The following ALPK3 variants were observed in gnomAD, a reference collection of about 807,000 sequenced individuals.
The protein encoded by ALPK3 is alpha kinase 3.
A neutral mutation model predicts 140.0 loss-of-function variants in ALPK3; 102 were observed. The ratio of observed to expected loss-of-function variants is 0.73; its 90% CI spans 0.62 to 0.86. The LOEUF (loss-of-function observed/expected upper bound fraction) is 0.86. Ranked by LOEUF, ALPK3 falls within the 40% of genes least tolerant of loss-of-function variation. The pLI, the probability that ALPK3 is intolerant of heterozygous loss-of-function variation, is 0.00. For synonymous variants in ALPK3, 938 were observed against 898.5 expected (o/e 1.04, Z -0.79); for missense variants, 2,254 against 2,208.2 (o/e 1.02, Z -0.42).
At chr15:84,825,140 C>A (rs1300498901) in intron 2 of ALPK3, among the ~76,000 whole-genome samples, 1 of 151,766 alleles carries the variant, frequency 6.6e-6, no homozygotes, top group Non-Finnish European at 1.5e-5. Flanking sequence ...CTTTTCCATT[C>A]AAAAAGAATG....
chr15:84,847,638 A>G, intron 5 of ALPK3, among the ~76,000 whole-genome samples: 1 of 152,128 alleles, frequency 6.6e-6, no homozygotes, highest in South Asian at 2.1e-4. Context: ...TTTTAATGCT[A>G]AAAAAAAGAA....
In ALPK3 at chr15:84,858,299, G is replaced by A. The variant is rs1963894410; in HGVS notation, c.3561G>A (p.Glu1187=). ...AGGCAACCACACCTGAAGAAAGGGA[G>A]AGCCCCACGGTTTCCCCCCGGGGGC... ...DGEATTPEER[E]SPTVSPRGPR... Residue 1187 remains glutamate, a synonymous_variant, in exon 6 of 14, where the codon GAG becomes GAA. Transcript: ENST00000258888. 3 of 1,575,692 alleles carry A rather than the reference G, an allele frequency of 1.9e-6. No homozygotes were observed. The highest frequency in any genetic ancestry group is 3.3e-4 in the Middle Eastern group (2 of 6,024).
At chr15:84,867,204 C>A in intron 12 of ALPK3, 113 bp from the exon 13 acceptor site, 4 of 972,662 alleles carry the variant, frequency 4.1e-6, no homozygotes, top group Non-Finnish European at 4.5e-6. Context: ...GCCCCCATGT[C>A]TCCAGCAGGA....
In ALPK3 at chr15:84,857,139, C is replaced by G; in HGVS notation, c.2401C>G (p.Pro801Ala). The G allele has an allele frequency of 6.2e-7, 1 of 1,614,054 alleles. No homozygotes were observed. The highest frequency in any genetic ancestry group is 8.5e-7 in the Non-Finnish European group (1 of 1,179,964). Residue 801 changes from proline to alanine, a missense_variant, in exon 6 of 14, where the codon CCA becomes GCA. Physicochemically the swap from Pro to Ala is conservative, Grantham distance 27 (BLOSUM62 -1). Transcript: ENST00000258888. ...TCCCCTGTCAGGGAACCTCATGCTC[C>G]CAGCACAGCCGCCCCATGAGGGGAG... ...LGPLSGNLML[P>A]AQPPHEGSVE... is the part of the protein sequence containing the mutation.
rs939773413 is a variant in ALPK3, at chr15:84,859,407, A to G, written c.3965+17A>G. On this transcript the variant is annotated intron_variant, in intron 7 of 13. Transcript: ENST00000258888. ...GGGCAGGAGGTAAGCCAACGACACC[A>G]CTGCCACCTGACCTGGCTCCCTGAT... The G allele has an allele frequency of 6.2e-7, 1 of 1,613,524 alleles. No homozygotes were observed.
At chr15:84,867,239 G>T in intron 12 of ALPK3, 78 bp from the exon 13 acceptor site, 1 of 1,431,028 alleles carries the variant, frequency 7.0e-7, no homozygotes, top group African/African-American at 1.4e-5. Context: ...AAGCCACCCA[G>T]TATATCTTCC....
intron 5 of ALPK3, among the ~76,000 whole-genome samples, chr15:84,847,199 G>C (rs1166026597): frequency 7.2e-6 from 1 of 138,758 alleles, no homozygotes; most frequent in East Asian, 2.1e-4. Context: ...GGAAGGGAGG[G>C]AGAAACGGGG....
Position 84,827,619 on chromosome 15 carries a change from C to G in ALPK3, c.304+14C>G. ...GCATCGTCACAGGTAAGGATGCTGT[C>G]TGTATGCTCCATGCCAGGGCCTCTG... is the stretch of plus-strand genomic sequence containing the variant. On this transcript the variant is annotated intron_variant, in intron 3 of 13. Transcript: ENST00000258888. 4.3e-6 allele frequency: 7 copies of G among 1,613,722 alleles called. No homozygotes were observed. The highest frequency in any genetic ancestry group is 5.9e-6 in the Non-Finnish European group (7 of 1,180,004).
At chr15:84,845,382 CT>C (rs1041630997) in intron 5 of ALPK3, among the ~76,000 whole-genome samples, 1 of 151,486 alleles carries the variant, frequency 6.6e-6, no homozygotes, top group Admixed American at 6.6e-5. Flanking sequence ...GTCCCTGTTC[CT>C]TTTTTTTTCT....
At chr15:84,826,500 C>T (rs2141548188) in intron 2 of ALPK3, among the ~76,000 whole-genome samples, 1 of 152,322 alleles carries the variant, frequency 6.6e-6, no homozygotes, top group East Asian at 1.9e-4. Context: ...CACCACACAA[C>T]CTGCCTTCAG....
chr15:84,867,487 C>T (rs867716509), intron 13 of ALPK3, 122 bp downstream of exon 13: 2 of 1,111,028 alleles, frequency 1.8e-6, no homozygotes, highest in African/African-American at 1.5e-5. Context: ...CCCAGACACA[C>T]CCATGGCCAT....
rs774855948 is a variant in ALPK3, at chr15:84,857,581, G to A, written c.2843G>A (p.Gly948Asp). The change falls in exon 6 of 14, where the codon GGT becomes GAT. Residue 948 changes from glycine to aspartate, a missense_variant. Coordinates refer to ENST00000258888, the MANE Select transcript of ALPK3 (RefSeq NM_020778.5). The part of the protein sequence containing the change: ...QVPDVEGRTP[G>D]PRSCDPGLID... Reference sequence around the variant, plus strand: ...CCAGATGTGGAGGGGCGGACCCCAGGTCCCCGGAGCTGTGACCCTGGCCTC... The same window carrying A: ...CCAGATGTGGAGGGGCGGACCCCAGATCCCCGGAGCTGTGACCCTGGCCTC... 46 of 1,573,574 alleles carry A rather than the reference G, an allele frequency of 2.9e-5. 1 individual carries two copies. The South Asian group carries it at 3.6e-4, about 12-fold the overall frequency.
Position 84,831,140 on chromosome 15 carries a change from C to G in ALPK3, c.304+3535C>G, listed in dbSNP as rs561483879. Among the ~76,000 whole-genome samples the G allele has an allele frequency of 6.6e-5, 10 of 152,234 alleles. No homozygotes were observed. In the East Asian group the frequency reaches 1.9e-3, roughly 29 times the overall value. ...TCTTTTTGCTTCCAGTGTTGCTTTT[C>G]AGAGTGAGAAGACAGTTTGATCCTA... On this transcript the variant is annotated intron_variant, in intron 3 of 13. Transcript: ENST00000258888.
chr15:84,827,395 A>G, intron 2 of ALPK3, 89 bp from the exon 3 acceptor site: 1 of 1,563,738 alleles, frequency 6.4e-7, no homozygotes, highest in Non-Finnish European at 8.7e-7. Flanking sequence ...ATGGGCAGGC[A>G]TGGTAAGACG....
intron 11 of ALPK3, 41 bp from the exon 12 acceptor site, chr15:84,864,401 G>A: frequency 6.3e-7 from 1 of 1,585,676 alleles, no homozygotes. Context: ...GAGCTCTCTG[G>A]GCCATACTTC....
chr15:84,818,811 C>A (rs1332663445), intron 1 of ALPK3, among the ~76,000 whole-genome samples: 1 of 152,150 alleles, frequency 6.6e-6, no homozygotes, highest in Admixed American at 6.6e-5. Flanking sequence ...CAACAAGGCC[C>A]CTGGCTGCCA....
In ALPK3 at chr15:84,858,490, T is replaced by C. The variant is rs762986369; in HGVS notation, c.3752T>C (p.Val1251Ala). 1.6e-5 allele frequency: 26 copies of C among 1,579,024 alleles called. No homozygotes were observed. In the African/African-American group the frequency reaches 2.4e-4, roughly 15 times the overall value. Residue 1251 changes from valine (V) to alanine (A), a missense_variant, in exon 6 of 14, where the codon GTG (valine) becomes GCG (alanine). By Grantham distance (64) the Val-to-Ala change is moderately conservative. Coordinates refer to ENST00000258888, the MANE Select transcript of ALPK3 (RefSeq NM_020778.5). ...SPKAGGLDTE[V>A]ALDEGKQETL... is the part of the protein sequence containing the mutation. ...AAGGCCGGCGGTCTGGACACAGAGG[T>C]GGCCCTGGATGAAGGCAAGCAGGAG... is the stretch of plus-strand genomic sequence containing the variant.
At chr15:84,828,497 C>A (rs1963513152) in intron 3 of ALPK3, among the ~76,000 whole-genome samples, 1 of 152,156 alleles carries the variant, frequency 6.6e-6, no homozygotes, top group Non-Finnish European at 1.5e-5. Flanking sequence ...CAGGCCCAGG[C>A]TCCCTCTGGA....
chr15:84,848,986 A>G (rs951831698), intron 5 of ALPK3, among the ~76,000 whole-genome samples: 1 of 152,136 alleles, frequency 6.6e-6, no homozygotes, highest in Admixed American at 6.5e-5. Context: ...TACTAAAAAT[A>G]CAAAAATTAG....
Sources: allele counts gnomAD v4.1 joint callset (sites outside exome capture counted in the v4.1 genomes callset), GRCh38; gene constraint gnomAD v4.1.1; transcripts MANE v1.5; gene names NCBI Gene and HGNC (gene_info 2026-07-23, HGNC 2026-07-21).